ZNF804A: variants seen among roughly 807,000 people sequenced by gnomAD.
ZNF804A encodes zinc finger protein 804A.
A neutral mutation model predicts 16.5 loss-of-function variants in ZNF804A; 2 were observed. The observed-to-expected ratio is 0.12, with a 90% CI of 0.05 to 0.38. The LOEUF (loss-of-function observed/expected upper bound fraction) is 0.38, where lower values mean the gene tolerates loss of function less well. Among genes scored for constraint, ZNF804A ranks in the 10% least tolerant of loss-of-function variants. The pLI, the probability that ZNF804A is intolerant of heterozygous loss-of-function variation, is 0.99. For missense variants in ZNF804A, 1,473 were observed against 1,390.7 expected (o/e 1.06, Z -0.94); for synonymous variants, 534 against 489.6 (o/e 1.09, Z -1.20).
At chr2:184,632,032 GA>G (rs1397119491) in intron 1 of ZNF804A, among the ~76,000 whole-genome samples, 1 of 152,006 alleles carries the variant, frequency 6.6e-6, no homozygotes, top group Non-Finnish European at 1.5e-5. Context: ...ATTTGACTTA[GA>G]AAGAATATTA....
chr2:184,923,742 G>C (rs533233062), intron 2 of ZNF804A, among the ~76,000 whole-genome samples: 1 of 152,016 alleles, frequency 6.6e-6, no homozygotes, highest in South Asian at 2.1e-4. Context: ...CCAGTTTTTT[G>C]AGGGCTTTTG....
At chr2:184,894,784 C>T (rs932900166) in intron 2 of ZNF804A, among the ~76,000 whole-genome samples, 2 of 152,022 alleles carry the variant, frequency 1.3e-5, no homozygotes, top group Non-Finnish European at 2.9e-5. Flanking sequence ...CTCCCAGGTT[C>T]ACGCCGTTCC....
At chr2:184,878,460 G>C (rs547574396) in intron 2 of ZNF804A, among the ~76,000 whole-genome samples, 22 of 152,146 alleles carry the variant, frequency 1.4e-4, no homozygotes, top group African/African-American at 5.3e-4. Context: ...GAGGAATCAG[G>C]TATTTTATAT....
intron 2 of ZNF804A, among the ~76,000 whole-genome samples, chr2:184,880,634 G>A (rs1399099636): frequency 6.6e-6 from 1 of 152,016 alleles, no homozygotes; most frequent in African/African-American, 2.4e-5. Context: ...TTAGTCTGTT[G>A]TGTGCTGCTG....
chr2:184,707,484 T>A (rs923486851), intron 1 of ZNF804A, among the ~76,000 whole-genome samples: 1 of 152,078 alleles, frequency 6.6e-6, no homozygotes, highest in South Asian at 2.1e-4. Flanking sequence ...TATTGCCATC[T>A]TTATGTCCAT....
intron 1 of ZNF804A, among the ~76,000 whole-genome samples, chr2:184,800,302 T>A (rs1694703879): frequency 6.6e-6 from 1 of 151,892 alleles, no homozygotes; most frequent in Non-Finnish European, 1.5e-5. Flanking sequence ...TTGAAGTATT[T>A]TTTAAGTATT....
At chr2:184,615,609 A>G (rs753281663) in intron 1 of ZNF804A, among the ~76,000 whole-genome samples, 1 of 152,122 alleles carries the variant, frequency 6.6e-6, no homozygotes, top group Non-Finnish European at 1.5e-5. Flanking sequence ...TTCTTTGAGG[A>G]TTTGTAGCCT....
intron 1 of ZNF804A, among the ~76,000 whole-genome samples, chr2:184,790,894 C>T (rs1040742848): frequency 3.9e-5 from 6 of 152,154 alleles, no homozygotes; most frequent in Admixed American, 6.6e-5. Context: ...TGAGCCACTG[C>T]GCCCCGCCTC....
intron 1 of ZNF804A, among the ~76,000 whole-genome samples, chr2:184,689,191 C>T (rs777806278): frequency 1.3e-5 from 2 of 152,210 alleles, no homozygotes; most frequent in South Asian, 2.1e-4. Flanking sequence ...ATCTCTCCTT[C>T]GTCTCTGCTC....
intron 1 of ZNF804A, among the ~76,000 whole-genome samples, chr2:184,819,167 G>A (rs139807313): frequency 6.6e-5 from 10 of 151,974 alleles, no homozygotes; most frequent in African/African-American, 2.4e-4. Context: ...CTCATAATCA[G>A]AAGTAAAACA....
intron 1 of ZNF804A, among the ~76,000 whole-genome samples, chr2:184,715,795 A>T (rs1693203319): frequency 6.6e-6 from 1 of 152,066 alleles, no homozygotes; most frequent in East Asian, 1.9e-4. Flanking sequence ...TAAATTATTA[A>T]TTTCTAAAAG....
intron 1 of ZNF804A, among the ~76,000 whole-genome samples, chr2:184,673,473 T>C (rs1049684429): frequency 5.9e-5 from 9 of 152,238 alleles, no homozygotes; most frequent in African/African-American, 2.2e-4. Context: ...ATGAAGCTTA[T>C]TTAGAATAAA....
intron 2 of ZNF804A, among the ~76,000 whole-genome samples, chr2:184,882,172 A>G (rs995266471): frequency 1.3e-5 from 2 of 152,086 alleles, no homozygotes; most frequent in Non-Finnish European, 2.9e-5. Flanking sequence ...CATTAAAACA[A>G]CAAATATCAA....
In ZNF804A at chr2:184,939,115, C is replaced by T; in HGVS notation, c.*89C>T. 6.7e-7 allele frequency: 1 copy of T among 1,493,536 alleles called. No homozygotes were observed. The highest frequency in any genetic ancestry group is 1.4e-5 in the African/African-American group (1 of 71,790). The allele number at this position is 1,493,536 out of a possible 1,614,324, so 92.5% of individuals were successfully genotyped here. ...TCTATGTGGGTACATGGCTATTTAA[C>T]TGGTGGAAATAAACTGGCCGATACA... On this transcript the variant is annotated 3_prime_UTR_variant, in exon 4 of 4. Transcript: ENST00000302277.
intron 1 of ZNF804A, among the ~76,000 whole-genome samples, chr2:184,707,801 A>G (rs982629079): frequency 6.6e-6 from 1 of 152,162 alleles, no homozygotes; most frequent in Non-Finnish European, 1.5e-5. Context: ...TCTTTTGGAT[A>G]TATACCCAGT....
chr2:184,685,025 G>A lies in ZNF804A; in HGVS notation c.111+85955G>A, dbSNP rs745667926. Among the ~76,000 whole-genome samples, 52 of 152,228 alleles carry A rather than the reference G, an allele frequency of 3.4e-4. 2 individuals carry two copies. In the Middle Eastern group the frequency reaches 0.014, roughly 40 times the overall value. ...CAGCCCACCAGGCTCCTCTCAGCTC[G>A]TGTAACCAGCCTGGATCCTACACCT... On this transcript the variant is annotated intron_variant, in intron 1 of 3. Coordinates refer to ENST00000302277, the MANE Select transcript of ZNF804A (RefSeq NM_194250.2).
chr2:184,660,462 A>C (rs1692154624), intron 1 of ZNF804A, among the ~76,000 whole-genome samples: 2 of 152,196 alleles, frequency 1.3e-5, no homozygotes, highest in Admixed American at 1.3e-4. Context: ...CAGATATTTC[A>C]AATATTTGGA....
intron 1 of ZNF804A, among the ~76,000 whole-genome samples, chr2:184,604,357 T>A (rs1691105961): frequency 6.6e-6 from 1 of 151,706 alleles, no homozygotes; most frequent in Non-Finnish European, 1.5e-5. Context: ...GTATTTTTAG[T>A]AGAGACGAGG....
intron 2 of ZNF804A, among the ~76,000 whole-genome samples, chr2:184,884,789 G>T (rs1195372949): frequency 6.6e-6 from 1 of 152,110 alleles, no homozygotes; most frequent in Non-Finnish European, 1.5e-5. Flanking sequence ...ATAGGCCCTG[G>T]CAAAGTTTTC....
Sources: gnomAD v4.1 joint callset for allele counts (sites outside exome capture counted in the v4.1 genomes callset) on GRCh38, gnomAD v4.1.1 for gene constraint, MANE v1.5 for transcripts, NCBI Gene and HGNC (gene_info 2026-07-23, HGNC 2026-07-21) for gene names.